Variants in NEGR1 observed in about 807,000 individuals in gnomAD.
NEGR1 encodes the protein neuronal growth regulator 1.
Under a neutral mutation model 40.9 loss-of-function variants are expected in NEGR1, and 10 were observed. The ratio of observed to expected loss-of-function variants is 0.24; its 90% CI spans 0.15 to 0.42. The LOEUF is 0.42. Among genes scored for constraint, NEGR1 ranks in the 10% least tolerant of loss-of-function variants. NEGR1 has a pLI of 1.00. For synonymous variants in NEGR1, 185 were observed against 166.8 expected, an observed-to-expected ratio of 1.11 and a Z score of -0.84; for missense variants, 352 against 438.9, an observed-to-expected ratio of 0.80 and a Z score of 1.77.
intron 4 of NEGR1, among the ~76,000 whole-genome samples, chr1:71,669,890 G>T (rs1408471655): frequency 6.6e-6 from 1 of 152,082 alleles, no homozygotes; most frequent in Non-Finnish European, 1.5e-5. Flanking sequence ...CTCATGATCT[G>T]CCCACTTTGG....
chr1:71,939,549 A>G (rs115687552), intron 1 of NEGR1, among the ~76,000 whole-genome samples: 60 of 152,278 alleles, frequency 3.9e-4, no homozygotes, highest in African/African-American at 1.4e-3. Flanking sequence ...AACTATAATT[A>G]CATGTAATTA....
chr1:71,914,520 C>T (rs1028026149), intron 2 of NEGR1, among the ~76,000 whole-genome samples: 5 of 152,140 alleles, frequency 3.3e-5, no homozygotes, highest in African/African-American at 9.7e-5. Flanking sequence ...CATATGATTT[C>T]GAGTTTGGTG....
At chr1:72,058,258 A>G (rs112638193) in intron 1 of NEGR1, among the ~76,000 whole-genome samples, 2 of 151,354 alleles carry the variant, frequency 1.3e-5, no homozygotes, top group African/African-American at 4.9e-5. Context: ...GTATCTAATA[A>G]GTTTTTTTTT....
At chr1:71,610,334 G>A (rs1049019216) in intron 5 of NEGR1, among the ~76,000 whole-genome samples, 1 of 152,104 alleles carries the variant, frequency 6.6e-6, no homozygotes, top group Non-Finnish European at 1.5e-5. Context: ...TTTTTTGATC[G>A]ATTGATAACA....
At chr1:71,584,678 G>T (rs1649245286) in intron 6 of NEGR1, among the ~76,000 whole-genome samples, 1 of 152,142 alleles carries the variant, frequency 6.6e-6, no homozygotes, top group Admixed American at 6.6e-5. Flanking sequence ...GTGCACGCTT[G>T]ATAAGTATGC....
At chr1:71,659,331 C>T (rs1174875570) in intron 4 of NEGR1, among the ~76,000 whole-genome samples, 1 of 152,012 alleles carries the variant, frequency 6.6e-6, no homozygotes, top group Non-Finnish European at 1.5e-5. Context: ...TTGAACTCCC[C>T]AATATGGATT....
At chr1:72,137,845 T>C (rs1650527287) in intron 1 of NEGR1, among the ~76,000 whole-genome samples, 4 of 152,162 alleles carry the variant, frequency 2.6e-5, no homozygotes, top group Admixed American at 2.0e-4. Flanking sequence ...AGACCACTTG[T>C]GTTATAAATG....
chr1:72,185,811 T>C (rs1480814414), intron 1 of NEGR1, among the ~76,000 whole-genome samples: 1 of 151,764 alleles, frequency 6.6e-6, no homozygotes, highest in Non-Finnish European at 1.5e-5. Context: ...ACATCCACAT[T>C]TATGTTAAGT....
intron 3 of NEGR1, among the ~76,000 whole-genome samples, chr1:71,720,167 G>T (rs563339819): frequency 2.6e-5 from 4 of 152,248 alleles, no homozygotes; most frequent in African/African-American, 9.6e-5. Flanking sequence ...AACAAATAAA[G>T]TAAGCGTTAT....
At chr1:72,002,044 T>G (rs1035523748) in intron 1 of NEGR1, among the ~76,000 whole-genome samples, 4 of 152,144 alleles carry the variant, frequency 2.6e-5, no homozygotes, top group African/African-American at 9.6e-5. Context: ...AATAAAATTC[T>G]AGTCATCTGC....
intron 1 of NEGR1, among the ~76,000 whole-genome samples, chr1:71,966,420 C>T (rs534460425): frequency 3.9e-5 from 6 of 152,118 alleles, no homozygotes; most frequent in Non-Finnish European, 8.8e-5. Context: ...TAGAATAGGC[C>T]TCAATGCTCC....
intron 2 of NEGR1, among the ~76,000 whole-genome samples, chr1:71,888,360 C>A (rs542728045): frequency 6.6e-6 from 1 of 152,028 alleles, no homozygotes; most frequent in Non-Finnish European, 1.5e-5. Context: ...GTGTGTGCGC[C>A]CACCGTGCGC....
intron 1 of NEGR1, among the ~76,000 whole-genome samples, chr1:72,272,095 A>G (rs190388633): frequency 5.9e-5 from 9 of 152,078 alleles, no homozygotes; most frequent in Admixed American, 5.9e-4. Flanking sequence ...GTAATAAATT[A>G]TAAGAAACTA....
intron 1 of NEGR1, among the ~76,000 whole-genome samples, chr1:72,166,159 T>C (rs1375647276): frequency 2.0e-5 from 3 of 151,982 alleles, no homozygotes; most frequent in East Asian, 3.9e-4. Flanking sequence ...AGCCAGGGAA[T>C]CTTTGAGCGC....
At chr1:72,094,238 C>T (rs1648611574) in intron 1 of NEGR1, among the ~76,000 whole-genome samples, 1 of 152,022 alleles carries the variant, frequency 6.6e-6, no homozygotes, top group African/African-American at 2.4e-5. Context: ...AGAAAATTAT[C>T]AGAGAACTAT....
intron 1 of NEGR1, among the ~76,000 whole-genome samples, chr1:72,157,014 A>C (rs948398916): frequency 6.6e-6 from 1 of 151,912 alleles, no homozygotes; most frequent in Admixed American, 6.6e-5. Context: ...CCAGGCTGGA[A>C]GGCAGTGGTA....
chr1:71,747,123 C>T (rs1367082000), intron 3 of NEGR1, among the ~76,000 whole-genome samples: 2 of 151,970 alleles, frequency 1.3e-5, no homozygotes, highest in African/African-American at 2.4e-5. Context: ...TAAAATACAT[C>T]AGCTTTTTAT....
chr1:72,225,808 C>T (rs1654173054), intron 1 of NEGR1, among the ~76,000 whole-genome samples: 1 of 151,616 alleles, frequency 6.6e-6, no homozygotes, highest in Non-Finnish European at 1.5e-5. Flanking sequence ...AATTAAACTA[C>T]TTTAGGTAAG....
At chr1:71,684,225 C>A (rs938240493) in intron 4 of NEGR1, among the ~76,000 whole-genome samples, 24 of 151,962 alleles carry the variant, frequency 1.6e-4, no homozygotes, top group African/African-American at 5.6e-4. Context: ...GAGCCCAGAT[C>A]GCGCCACTGC....
Sources: gnomAD v4.1 joint callset for allele counts (sites outside exome capture counted in the v4.1 genomes callset) on GRCh38, gnomAD v4.1.1 for gene constraint, MANE v1.5 for transcripts, NCBI Gene and HGNC (gene_info 2026-07-23, HGNC 2026-07-21) for gene names.